FMN1: variants seen among roughly 807,000 people sequenced by gnomAD.
FMN1 encodes the protein formin-1.
Under a neutral mutation model 132.4 loss-of-function variants are expected in FMN1, and 110 were observed. The observed-to-expected ratio is 0.83, with a 90% CI of 0.71 to 0.97. The LOEUF is 0.97. Ranked by LOEUF, FMN1 falls within the 50% of genes least tolerant of loss-of-function variation. The pLI, the probability that FMN1 is intolerant of heterozygous loss-of-function variation, is 0.00. For missense variants in FMN1, 1,792 were observed against 1,705.3 expected (o/e 1.05, Z -0.90); for synonymous variants, 722 against 651.7 (o/e 1.11, Z -1.64).
At chr15:32,956,651 A>G (rs1162490837) in intron 9 of FMN1, among the ~76,000 whole-genome samples, 1 of 152,168 alleles carries the variant, frequency 6.6e-6, no homozygotes, top group Admixed American at 6.6e-5. Flanking sequence ...ACTTCTATAG[A>G]TGATAATCCC....
At chr15:33,056,324 G>A (rs1294114418) in intron 6 of FMN1, among the ~76,000 whole-genome samples, 1 of 152,130 alleles carries the variant, frequency 6.6e-6, no homozygotes, top group Non-Finnish European at 1.5e-5. Context: ...ATTGAGCAAA[G>A]GACAATTCGA....
chr15:33,172,559 G>A (rs766668584), intron 3 of FMN1, among the ~76,000 whole-genome samples: 1 of 152,218 alleles, frequency 6.6e-6, no homozygotes, highest in Non-Finnish European at 1.5e-5. Context: ...GTAGGATACT[G>A]ACACTGGTTA....
At chr15:33,099,311 A>G (rs373816114) in intron 4 of FMN1, among the ~76,000 whole-genome samples, 120 of 152,320 alleles carry the variant, frequency 7.9e-4, no homozygotes, top group African/African-American at 2.8e-3. Flanking sequence ...ATCTATCAAT[A>G]AACTCTTTCG....
chr15:33,038,896 C>T (rs2036301701), intron 6 of FMN1, among the ~76,000 whole-genome samples: 1 of 152,148 alleles, frequency 6.6e-6, no homozygotes, highest in African/African-American at 2.4e-5. Context: ...TTTGGAGTTT[C>T]CTTCTGTGTC....
At chr15:32,812,039 CAAACAAACA>C (rs1322860369) in intron 17 of FMN1, among the ~76,000 whole-genome samples, 1 of 151,916 alleles carries the variant, frequency 6.6e-6, no homozygotes, top group Non-Finnish European at 1.5e-5. Context: ...AACAAACAAA[CAAACAAACA>C]AAACCACGAA....
intron 6 of FMN1, among the ~76,000 whole-genome samples, chr15:33,053,283 G>A (rs1265022319): frequency 1.3e-5 from 2 of 152,198 alleles, no homozygotes; most frequent in Non-Finnish European, 2.9e-5. Context: ...CATTCCCTCT[G>A]GGGCTTTGGG....
rs2140519935 is a variant in FMN1 at position 32,954,617 on chromosome 15, A to C, written c.3138+9490T>G. On this transcript the variant is annotated intron_variant, in intron 9 of 20. Transcript: ENST00000616417. ...ACCAAAGCTGGGCACTTTTTTCACT[A>C]TACAATGACCAAAAAATAAAATTCA... 1.3e-5 allele frequency among the ~76,000 whole-genome samples: 2 copies of C among 152,344 alleles called. 1 individual carries two copies. Among genetic ancestry groups the C allele is most frequent in the South Asian group, 4.1e-4 (2 of 4,832 alleles).
At chr15:32,960,463 A>C (rs886113945) in intron 9 of FMN1, among the ~76,000 whole-genome samples, 1 of 152,162 alleles carries the variant, frequency 6.6e-6, no homozygotes, top group African/African-American at 2.4e-5. Flanking sequence ...ATAGCCTTTT[A>C]AAATTTTCCT....
chr15:33,100,230 A>G (rs557508372), intron 4 of FMN1, among the ~76,000 whole-genome samples: 140 of 152,100 alleles, frequency 9.2e-4, no homozygotes, highest in Middle Eastern at 3.4e-3. Flanking sequence ...CAGTAAAAAA[A>G]AAAAAAAAAA....
At chr15:32,820,302 T>C (rs971197330) in intron 17 of FMN1, among the ~76,000 whole-genome samples, 27 of 152,164 alleles carry the variant, frequency 1.8e-4, no homozygotes, top group African/African-American at 6.0e-4. Context: ...ACCTGAAACT[T>C]TGCGTTAACA....
Position 33,153,195 on chromosome 15 carries a change from G to A in FMN1, c.1720C>T (p.Pro574Ser), listed in dbSNP as rs543149219. The A allele has an allele frequency of 6.5e-7, 1 of 1,536,102 alleles. No homozygotes were observed. The highest frequency in any genetic ancestry group is 1.2e-5 in the South Asian group (1 of 84,054). Residue 574 changes from proline to serine, a missense_variant, in exon 4 of 21, where the codon CCA becomes TCA. Pro to Ser is a moderately conservative substitution (Grantham distance 74). Transcript: ENST00000616417. Reference protein sequence around the residue: ...GCVSADTLEPPSSAKVTETKG... With the variant: ...GCVSADTLEPSSSAKVTETKG... ...GTCTCCGTGACCTTTGCAGAGGATG[G>A]TGGCTCCAAGGTGTCAGCAGAGACG...
chr15:32,878,101 G>A (rs1213207123), intron 16 of FMN1, among the ~76,000 whole-genome samples: 2 of 152,238 alleles, frequency 1.3e-5, no homozygotes, highest in African/African-American at 2.4e-5. Context: ...CTCCTGAAGA[G>A]TGGGTGGGCA....
At chr15:32,842,898 G>A (rs1204659611) in intron 17 of FMN1, among the ~76,000 whole-genome samples, 1 of 151,586 alleles carries the variant, frequency 6.6e-6, no homozygotes, top group African/African-American at 2.4e-5. Context: ...GGCCAAGGCG[G>A]GCAGATCACC....
chr15:33,143,694 A>C (rs1964098257), intron 4 of FMN1, among the ~76,000 whole-genome samples: 1 of 152,180 alleles, frequency 6.6e-6, no homozygotes, highest in Admixed American at 6.5e-5. Flanking sequence ...TCCTAAGGAC[A>C]ATTTGTCGCT....
intron 4 of FMN1, among the ~76,000 whole-genome samples, chr15:33,134,460 G>A (rs1364072317): frequency 6.6e-6 from 1 of 152,170 alleles, no homozygotes; most frequent in African/African-American, 2.4e-5. Flanking sequence ...TGTAAATGCA[G>A]TTTCAAAACA....
chr15:33,060,929 T>C (rs1280806347), intron 6 of FMN1, among the ~76,000 whole-genome samples: 1 of 152,214 alleles, frequency 6.6e-6, no homozygotes, highest in Non-Finnish European at 1.5e-5. Context: ...CATGACAATG[T>C]ATTTTTTAAA....
chr15:32,873,452 T>C (rs1274350751), intron 16 of FMN1, among the ~76,000 whole-genome samples: 2 of 152,226 alleles, frequency 1.3e-5, no homozygotes, highest in Non-Finnish European at 2.9e-5. Flanking sequence ...AAATCTGTCA[T>C]TGATCCTACC....
intron 18 of FMN1, 99 bp downstream of exon 18, chr15:32,804,182 G>T: frequency 1.2e-6 from 1 of 846,678 alleles, no homozygotes. Context: ...AAAATGTTTT[G>T]GAGATAGAAC....
In FMN1 at chr15:33,132,824, C is replaced by G. The variant is rs537050277; in HGVS notation, c.1867+20224G>C. 3.3e-5 allele frequency among the ~76,000 whole-genome samples: 5 copies of G among 152,276 alleles called. No individual in the cohort carries two copies. In the South Asian group the frequency reaches 1.0e-3, roughly 32 times the overall value. ...CCTCCCATGCACATGCCTGCCTGGA[C>G]CTGTACCTCTTTGACCACATCTTCA... On this transcript the variant is annotated intron_variant, in intron 4 of 20. Transcript: ENST00000616417.
Sources: gnomAD v4.1 joint callset for allele counts (sites outside exome capture counted in the v4.1 genomes callset) on GRCh38, gnomAD v4.1.1 for gene constraint, MANE v1.5 for transcripts, NCBI Gene and HGNC (gene_info 2026-07-23, HGNC 2026-07-21) for gene names.